The following DLGAP4 variants were observed in gnomAD, a reference collection of about 807,000 sequenced individuals.
DLGAP4 encodes disks large-associated protein 4.
In DLGAP4, 18 loss-of-function variants were observed where a neutral mutation model predicts 86.9. That is an observed-to-expected ratio of 0.21 (90% confidence interval 0.14 to 0.31). The LOEUF is 0.31. Ranked by LOEUF, DLGAP4 falls within the 10% of genes least tolerant of loss-of-function variation. DLGAP4 has a pLI of 1.00. For synonymous variants in DLGAP4, 548 were observed against 574.3 expected, an observed-to-expected ratio of 0.95 and a Z score of 0.65; for missense variants, 1,085 against 1,362.6, an observed-to-expected ratio of 0.80 and a Z score of 3.21.
intron 1 of DLGAP4, among the ~76,000 whole-genome samples, chr20:36,325,016 T>C (rs1252169991): frequency 6.6e-6 from 1 of 152,178 alleles, no homozygotes; most frequent in Non-Finnish European, 1.5e-5. Flanking sequence ...TTTTTCTTTT[T>C]CTAGTTTTGT....
At chr20:36,316,152 A>G (rs2065097276) in intron 1 of DLGAP4, among the ~76,000 whole-genome samples, 1 of 152,176 alleles carries the variant, frequency 6.6e-6, no homozygotes, top group Admixed American at 6.5e-5. Context: ...AACAGCCTTC[A>G]TGGCCTCTGG....
At chr20:36,322,726 A>G (rs1193276386) in intron 1 of DLGAP4, among the ~76,000 whole-genome samples, 5 of 152,210 alleles carry the variant, frequency 3.3e-5, no homozygotes, top group Non-Finnish European at 7.3e-5. Context: ...GATGCTGGCC[A>G]TCCTCCTGAG....
intron 7 of DLGAP4, chr20:36,461,824 C>T: frequency 1.0e-6 from 1 of 982,832 alleles, no homozygotes; most frequent in Non-Finnish European, 1.2e-6. Flanking sequence ...CCGCTCCGCC[C>T]GCTTTGTCTC....
chr20:36,495,793 T>C lies in DLGAP4; in HGVS notation c.1649-912T>C, dbSNP rs1397764950. Among the ~76,000 whole-genome samples, 5 of 152,022 alleles carry C rather than the reference T, an allele frequency of 3.3e-5. No individual in the cohort carries two copies. The East Asian group carries it at 9.7e-4, about 29-fold the overall frequency. On this transcript the variant is annotated intron_variant, in intron 7 of 12. Transcript: ENST00000339266. Reference sequence around the variant, plus strand: ...ACGGGTTTCACATAACGAGAAAGTGTTGGGGTGGGAATGGCAAGATAGGGA... The same window carrying C: ...ACGGGTTTCACATAACGAGAAAGTGCTGGGGTGGGAATGGCAAGATAGGGA...
Position 36,502,073 on chromosome 20 carries a change from AATC to A in DLGAP4, c.2512+1468_2512+1470del, listed in dbSNP as rs1477124394. 1.5e-4 allele frequency among the ~76,000 whole-genome samples: 23 copies of A among 152,318 alleles called. No homozygotes were observed. The East Asian group carries it at 4.2e-3, about 28-fold the overall frequency. ...CTGATTATATTTCCTCTTTAAAATT[AATC>A]ATCATTTCTATTAATTTCCTGTTAC... On this transcript the variant is annotated intron_variant, in intron 10 of 12. Transcript: ENST00000339266.
intron 1 of DLGAP4, among the ~76,000 whole-genome samples, chr20:36,324,717 A>T (rs2065200400): frequency 6.6e-6 from 1 of 152,134 alleles, no homozygotes. Flanking sequence ...TTCCACATTG[A>T]CTTGATTATT....
intron 7 of DLGAP4, among the ~76,000 whole-genome samples, chr20:36,459,684 C>G (rs1161583652): frequency 6.6e-6 from 1 of 152,166 alleles, no homozygotes; most frequent in African/African-American, 2.4e-5. Flanking sequence ...CTTGGCTCAC[C>G]GCAACCTCCG....
chr20:36,441,919 C>T (rs910351028), intron 5 of DLGAP4, among the ~76,000 whole-genome samples: 17 of 152,186 alleles, frequency 1.1e-4, no homozygotes, highest in African/African-American at 3.4e-4. Flanking sequence ...ATTAATCGGC[C>T]AGGCTGGGGG....
chr20:36,483,866 AC>A (rs1298137182), intron 7 of DLGAP4, among the ~76,000 whole-genome samples: 1 of 152,166 alleles, frequency 6.6e-6, no homozygotes, highest in African/African-American at 2.4e-5. Flanking sequence ...CAGAGCTGCC[AC>A]CCTCTAACCC....
At chr20:36,343,627 C>G (rs12481257) in intron 1 of DLGAP4, among the ~76,000 whole-genome samples, 32,124 of 152,188 alleles carry the variant, frequency 0.21, 4,414 homozygotes, top group Non-Finnish European at 0.31. Context: ...GTACCCCCCC[C>G]CAACCCCCCG....
chr20:36,492,974 T>A (rs901779220), intron 7 of DLGAP4: 2 of 151,992 alleles, frequency 1.3e-5, no homozygotes, highest in African/African-American at 4.8e-5. Flanking sequence ...CCTGGGCCAG[T>A]CAGAGAACCA....
chr20:36,520,496 C>T (rs1453244311), intron 10 of DLGAP4, among the ~76,000 whole-genome samples: 1 of 152,006 alleles, frequency 6.6e-6, no homozygotes, highest in African/African-American at 2.4e-5. Context: ...AATAGGCATG[C>T]GTCACCAGCC....
At chr20:36,461,562 C>G (rs2034051870) in intron 7 of DLGAP4, 1 of 967,626 alleles carries the variant, frequency 1.0e-6, no homozygotes, top group South Asian at 4.6e-5. Context: ...TCCGTCTGTC[C>G]GGTCCACGTC....
At chr20:36,345,594 C>T (rs531110620) in intron 1 of DLGAP4, among the ~76,000 whole-genome samples, 4 of 152,334 alleles carry the variant, frequency 2.6e-5, no homozygotes, top group Non-Finnish European at 4.4e-5. Flanking sequence ...GTATAAGCCT[C>T]AAGCCTTGCC....
chr20:36,326,260 A>G (rs1452374505), intron 1 of DLGAP4, among the ~76,000 whole-genome samples: 1 of 151,974 alleles, frequency 6.6e-6, no homozygotes, highest in Non-Finnish European at 1.5e-5. Flanking sequence ...TTCTCTTGCT[A>G]TTTGTTTTCT....
chr20:36,398,529 G>A (rs1049553221), intron 2 of DLGAP4, among the ~76,000 whole-genome samples: 1 of 152,190 alleles, frequency 6.6e-6, no homozygotes, highest in Non-Finnish European at 1.5e-5. Flanking sequence ...CACAGCCGTA[G>A]AGAAGAGTAC....
intron 4 of DLGAP4, among the ~76,000 whole-genome samples, chr20:36,439,170 C>T (rs1230306221): frequency 6.6e-6 from 1 of 152,200 alleles, no homozygotes; most frequent in Non-Finnish European, 1.5e-5. Context: ...TTAATCTGCA[C>T]CACTGAATCC....
chr20:36,504,419 G>C (rs1363369326), intron 10 of DLGAP4, among the ~76,000 whole-genome samples: 2 of 152,112 alleles, frequency 1.3e-5, no homozygotes, highest in African/African-American at 4.8e-5. Flanking sequence ...TTCATCTGTT[G>C]CTGGGCACTT....
chr20:36,491,579 G>A (rs745630546), intron 7 of DLGAP4, among the ~76,000 whole-genome samples: 1 of 152,074 alleles, frequency 6.6e-6, no homozygotes, highest in African/African-American at 2.4e-5. Flanking sequence ...TTGGATGCAC[G>A]GAGGTGTGCC....
Sources: allele counts gnomAD v4.1 joint callset (sites outside exome capture counted in the v4.1 genomes callset), GRCh38; gene constraint gnomAD v4.1.1; transcripts MANE v1.5; gene names NCBI Gene and HGNC (gene_info 2026-07-23, HGNC 2026-07-21).